Variants in SRGAP1 observed in about 807,000 individuals in gnomAD.
The protein encoded by SRGAP1 is SLIT-ROBO Rho GTPase activating protein 1, also known as SLIT-ROBO Rho GTPase-activating protein 1.
Under a neutral mutation model 121.9 loss-of-function variants are expected in SRGAP1, and 43 were observed. The observed-to-expected ratio is 0.35, with a 90% CI of 0.28 to 0.46. The LOEUF is 0.46. Ranked by LOEUF, SRGAP1 falls within the 20% of genes least tolerant of loss-of-function variation. SRGAP1 has a pLI of 1.00. For missense variants in SRGAP1, 1,102 were observed against 1,350.9 expected (o/e 0.82, Z 2.89); for synonymous variants, 447 against 485.4 (o/e 0.92, Z 1.04).
intron 1 of SRGAP1, among the ~76,000 whole-genome samples, chr12:63,849,610 A>G (rs866307469): frequency 9.2e-5 from 14 of 152,206 alleles, no homozygotes; most frequent in Admixed American, 4.6e-4. Flanking sequence ...GGAAATGCCA[A>G]TTTGATTTGG....
chr12:64,126,074 C>T lies in SRGAP1; in HGVS notation c.2322C>T (p.His774=). 6.2e-7 allele frequency: 1 copy of T among 1,614,176 alleles called. No individual in the cohort carries two copies. Among genetic ancestry groups the T allele is most frequent in the Non-Finnish European group, 8.5e-7 (1 of 1,180,030 alleles). The change falls in exon 19 of 22, where the codon CAC becomes CAT. Residue 774 remains histidine (H), a synonymous_variant. Coordinates refer to ENST00000355086, the MANE Select transcript of SRGAP1 (RefSeq NM_020762.4). ...FKKGASLLLY[H]RASEDWWEGR... ...AGGGTGCCTCCCTGCTGCTGTATCACCGTGCATCTGAGGACTGGTGGGAAG... is the reference window on the plus strand; with the variant it reads ...AGGGTGCCTCCCTGCTGCTGTATCATCGTGCATCTGAGGACTGGTGGGAAG...
intron 1 of SRGAP1, among the ~76,000 whole-genome samples, chr12:63,964,388 T>C (rs1336087820): frequency 6.6e-6 from 1 of 152,216 alleles, no homozygotes; most frequent in Non-Finnish European, 1.5e-5. Flanking sequence ...CCTTTCATCC[T>C]TCATGCAACA....
chr12:64,055,034 A>G (rs1286844381), intron 6 of SRGAP1, among the ~76,000 whole-genome samples: 4 of 151,790 alleles, frequency 2.6e-5, no homozygotes, highest in Non-Finnish European at 5.9e-5. Context: ...AATAAAGGGT[A>G]TTCAATTAGG....
At chr12:64,009,317 A>C (rs2034184363) in intron 3 of SRGAP1, among the ~76,000 whole-genome samples, 1 of 152,164 alleles carries the variant, frequency 6.6e-6, no homozygotes, top group Non-Finnish European at 1.5e-5. Context: ...GACACTGAAA[A>C]GGTGTTTCCA....
intron 1 of SRGAP1, among the ~76,000 whole-genome samples, chr12:63,862,132 TAC>T (rs1899475807): frequency 6.6e-6 from 1 of 151,944 alleles, no homozygotes; most frequent in Admixed American, 6.6e-5. Flanking sequence ...AAAAAATTTA[TAC>T]ACACACACCT....
At chr12:64,092,350 T>A (rs746393857) in intron 12 of SRGAP1, among the ~76,000 whole-genome samples, 17 of 152,196 alleles carry the variant, frequency 1.1e-4, no homozygotes, top group Non-Finnish European at 2.4e-4. Flanking sequence ...ACCATGTCAT[T>A]AATAACCTCC....
chr12:63,883,591 C>T (rs1242828853), intron 1 of SRGAP1, among the ~76,000 whole-genome samples: 1 of 152,100 alleles, frequency 6.6e-6, no homozygotes, highest in Non-Finnish European at 1.5e-5. Flanking sequence ...CTACCCAAGA[C>T]TTGTTCATCA....
chr12:64,080,692 A>C, intron 10 of SRGAP1: 4 of 389,020 alleles, frequency 1.0e-5, no homozygotes, highest in Middle Eastern at 8.4e-4. Flanking sequence ...CTACCTGCTG[A>C]CCCCCCAGTC....
At chr12:64,119,597 G>C (rs931075759) in intron 18 of SRGAP1, among the ~76,000 whole-genome samples, 1 of 151,578 alleles carries the variant, frequency 6.6e-6, no homozygotes, top group African/African-American at 2.4e-5. Context: ...TAAGTTTAAG[G>C]CTTAGCATTC....
chr12:63,962,319 G>C (rs918869248), intron 1 of SRGAP1, among the ~76,000 whole-genome samples: 4 of 152,146 alleles, frequency 2.6e-5, no homozygotes. Context: ...AGTTTAAGGA[G>C]ACTTTTATGC....
intron 1 of SRGAP1, among the ~76,000 whole-genome samples, chr12:63,938,128 GA>G (rs1408014443): frequency 6.6e-6 from 1 of 152,254 alleles, no homozygotes; most frequent in Non-Finnish European, 1.5e-5. Flanking sequence ...GGCCAGAGAA[GA>G]AAGGGCCCAG....
At chr12:63,911,920 A>G (rs144305021) in intron 1 of SRGAP1, among the ~76,000 whole-genome samples, 269 of 152,294 alleles carry the variant, frequency 1.8e-3, no homozygotes, top group African/African-American at 6.1e-3. Context: ...ATTTTACTCC[A>G]GAGGCCTATA....
intron 1 of SRGAP1, among the ~76,000 whole-genome samples, chr12:63,892,236 T>G (rs1900611151): frequency 6.6e-6 from 1 of 152,180 alleles, no homozygotes; most frequent in Admixed American, 6.5e-5. Context: ...TTTTTAAATG[T>G]TCTGTTTTCA....
Position 64,097,287 on chromosome 12 carries a change from A to G in SRGAP1, c.1725A>G (p.Ser575=), listed in dbSNP as rs777563308. Residue 575 remains serine (S), a synonymous_variant, in exon 15 of 22, where the codon TCA becomes TCG. Coordinates refer to ENST00000355086, the MANE Select transcript of SRGAP1 (RefSeq NM_020762.4). ...ACCAGAGTAACCATGATATTAACTC[A>G]GTTGCTGGCGTTCTGAAGCTCTATT... ...ADDQSNHDIN[S]VAGVLKLYFR... 1 of 1,612,398 alleles carries G rather than the reference A, an allele frequency of 6.2e-7. No individual in the cohort carries two copies. Among genetic ancestry groups the G allele is most frequent in the South Asian group, 1.1e-5 (1 of 91,000 alleles).
At position 64,097,224 on chromosome 12, in the gene SRGAP1, T is replaced by A; in HGVS notation, c.1679-17T>A. The A allele has an allele frequency of 2.0e-6, 2 of 994,756 alleles. No individual in the cohort carries two copies. The highest frequency in any genetic ancestry group is 2.8e-6 in the Non-Finnish European group (2 of 719,654). The allele number at this position is 994,756 out of a possible 1,614,324, so 61.6% of individuals were successfully genotyped here. ...AAGAAGCACTGTTAATGTAATGAGT[T>A]TTTTTTTTTTTTTTAGGTGAAAATC... On this transcript the variant is annotated splice_polypyrimidine_tract_variant and intron_variant, in intron 14 of 21. Coordinates refer to ENST00000355086, the MANE Select transcript of SRGAP1 (RefSeq NM_020762.4).
At chr12:63,931,271 C>T (rs2094569651) in intron 1 of SRGAP1, among the ~76,000 whole-genome samples, 2 of 152,138 alleles carry the variant, frequency 1.3e-5, no homozygotes, top group African/African-American at 4.8e-5. Flanking sequence ...TCTTTCCCTG[C>T]TGTTCTTCTT....
intron 8 of SRGAP1, among the ~76,000 whole-genome samples, chr12:64,072,433 A>G (rs1253458565): frequency 6.6e-6 from 1 of 152,138 alleles, no homozygotes; most frequent in Non-Finnish European, 1.5e-5. Context: ...CTTAGCTTCC[A>G]GTGACTAAGA....
chr12:64,092,469 TATAC>T (rs200490527), intron 12 of SRGAP1, among the ~76,000 whole-genome samples: 151 of 128,226 alleles, frequency 1.2e-3, no homozygotes, highest in Middle Eastern at 4.0e-3. Context: ...TACATACATA[TATAC>T]ATACATACAT....
intron 2 of SRGAP1, among the ~76,000 whole-genome samples, chr12:63,988,622 G>T (rs758878529): frequency 1.3e-5 from 2 of 152,112 alleles, no homozygotes; most frequent in Non-Finnish European, 2.9e-5. Context: ...TCTGAGAGAC[G>T]TAATGGCAGA....
Sources: allele counts gnomAD v4.1 joint callset (sites outside exome capture counted in the v4.1 genomes callset), GRCh38; gene constraint gnomAD v4.1.1; transcripts MANE v1.5; gene names NCBI Gene and HGNC (gene_info 2026-07-23, HGNC 2026-07-21).